PDXK: variants seen among roughly 807,000 people sequenced by gnomAD.
PDXK encodes the protein pyridoxal kinase, also known as epididymis secretory sperm binding protein Li 1a.
A neutral mutation model predicts 43.2 loss-of-function variants in PDXK; 15 were observed. The observed-to-expected ratio is 0.35, with a 90% CI of 0.23 to 0.53. The LOEUF is 0.53. PDXK is among the 20% of genes least tolerant of loss of function. The probability of loss-of-function intolerance (pLI) is 0.92; values close to 1 mark genes in which losing one functional copy is unlikely to be tolerated. For synonymous variants in PDXK, 172 were observed against 165.4 expected (o/e 1.04, Z -0.31); for missense variants, 343 against 417.0 (o/e 0.82, Z 1.54).
At chr21:43,752,679 A>C (rs1213430524) in intron 8 of PDXK, 50 bp downstream of exon 8, 3 of 1,148,898 alleles carry the variant, frequency 2.6e-6, no homozygotes, top group African/African-American at 1.5e-5. Flanking sequence ...TCCCAGAGGA[A>C]GGTGTTCTTT....
chr21:43,727,029 G>A (rs2083261382), intron 1 of PDXK, among the ~76,000 whole-genome samples: 2 of 152,184 alleles, frequency 1.3e-5, no homozygotes, highest in South Asian at 4.1e-4. Context: ...AGGCCCCAGT[G>A]TTGGCCGGCC....
rs557034213 is a variant in PDXK, at chr21:43,740,052, T to TAACATCAG, written c.143-1615_143-1614insAACATCAG. Among the ~76,000 whole-genome samples, 570 of 152,068 alleles carry TAACATCAG rather than the reference T, an allele frequency of 3.7e-3. 9 individuals are homozygous for TAACATCAG. Among genetic ancestry groups the TAACATCAG allele is most frequent in the African/African-American group, 0.013 (523 of 41,560 alleles). On this transcript the variant is annotated intron_variant, in intron 2 of 10. Coordinates refer to ENST00000291565, the MANE Select transcript of PDXK (RefSeq NM_003681.5). ...GTTAACCCAGAGTCCATCAGGGGCT[T>TAACATCAG]GGTCTCTGGCAGACCCACCCCTCAG...
intron 1 of PDXK, among the ~76,000 whole-genome samples, chr21:43,729,215 G>A (rs568478848): frequency 2.6e-5 from 4 of 152,384 alleles, no homozygotes; most frequent in African/African-American, 9.6e-5. Context: ...CTTCCCAGCG[G>A]AGACAGCCAG....
chr21:43,719,131 C>A lies in PDXK; in HGVS notation c.-164C>A. Reference sequence around the variant, plus strand: ...CGGGTTCGGAGCCGCCCGCTGAGGTCAGAAGGAGGCGTCTGCGCTGATCGG... The same window carrying A: ...CGGGTTCGGAGCCGCCCGCTGAGGTAAGAAGGAGGCGTCTGCGCTGATCGG... On this transcript the variant is annotated 5_prime_UTR_variant, in exon 1 of 11. Coordinates refer to ENST00000291565, the MANE Select transcript of PDXK (RefSeq NM_003681.5). The A allele has an allele frequency of 3.3e-6, 1 of 302,862 alleles. No homozygotes were observed. Among genetic ancestry groups the A allele is most frequent in the South Asian group, 1.4e-4 (1 of 7,040 alleles). 18.8% of individuals were successfully genotyped at this position (302,862 alleles called of 1,614,324 possible). A position where few individuals can be genotyped will look rare whatever the true frequency, so the allele number is the denominator to read the frequency against.
At chr21:43,730,708 C>T (rs1290301532) in intron 1 of PDXK, among the ~76,000 whole-genome samples, 1 of 152,086 alleles carries the variant, frequency 6.6e-6, no homozygotes, top group Admixed American at 6.5e-5. Context: ...AGTCCCAGCA[C>T]TTTGGGAGGC....
intron 1 of PDXK, among the ~76,000 whole-genome samples, chr21:43,726,353 GCCT>G (rs1307518544): frequency 1.4e-5 from 2 of 142,940 alleles, no homozygotes; most frequent in Non-Finnish European, 3.0e-5. Flanking sequence ...GCTCACTGCA[GCCT>G]CCTCCTCCTC....
rs1467593029 is a variant in PDXK, at chr21:43,758,330, G to T, written c.*2267G>T. 2 of 153,606 alleles carry T rather than the reference G, an allele frequency of 1.3e-5. No homozygotes were observed. The highest frequency in any genetic ancestry group is 1.5e-5 in the Non-Finnish European group (1 of 68,058). 9.5% of individuals were successfully genotyped at this position (153,606 alleles called of 1,614,324 possible). A position where few individuals can be genotyped will look rare whatever the true frequency, so the allele number is the denominator to read the frequency against. ...TGAAACTTCTCTTCTGTTTTCTTTG[G>T]CTGTATCAGCCGAACCAGGAGAGGC... is the stretch of plus-strand genomic sequence containing the variant. On this transcript the variant is annotated 3_prime_UTR_variant, in exon 11 of 11. Transcript: ENST00000291565.
At chr21:43,753,502 C>T (rs1418000902) in intron 8 of PDXK, 81 bp from the exon 9 acceptor site, 74 of 1,470,124 alleles carry the variant, frequency 5.0e-5, no homozygotes, top group Non-Finnish European at 6.8e-5. Flanking sequence ...TGCCGCCGTG[C>T]CCAGGAGGAT....
At chr21:43,739,906 C>A (rs1211542057) in intron 2 of PDXK, among the ~76,000 whole-genome samples, 1 of 151,814 alleles carries the variant, frequency 6.6e-6, no homozygotes, top group African/African-American at 2.4e-5. Flanking sequence ...TACCCCAAAC[C>A]CCGCCCCAGC....
At chr21:43,730,464 G>A (rs947913634) in intron 1 of PDXK, among the ~76,000 whole-genome samples, 1 of 152,074 alleles carries the variant, frequency 6.6e-6, no homozygotes, top group Non-Finnish European at 1.5e-5. Context: ...CAAGCTCCGT[G>A]GTGTGAATAC....
At chr21:43,736,025 G>A (rs1248957994) in intron 2 of PDXK, among the ~76,000 whole-genome samples, 3 of 152,332 alleles carry the variant, frequency 2.0e-5, no homozygotes, top group African/African-American at 4.8e-5. Context: ...CTGGGCTCCC[G>A]TGCCACCCAC....
intron 2 of PDXK, chr21:43,738,586 CTG>C (rs1256922330): frequency 6.6e-6 from 1 of 152,340 alleles, no homozygotes; most frequent in African/African-American, 2.4e-5. Flanking sequence ...AGGGCGAGAC[CTG>C]CTGTCTTATC....
chr21:43,750,962 A>G (rs2876911), intron 7 of PDXK, among the ~76,000 whole-genome samples: 84 of 150,738 alleles, frequency 5.6e-4, no homozygotes, highest in African/African-American at 9.8e-4. Flanking sequence ...ATGTGTGTGC[A>G]TGTGTGTGTG....
At chr21:43,742,083 G>A (rs1211723712) in intron 3 of PDXK, among the ~76,000 whole-genome samples, 3 of 152,126 alleles carry the variant, frequency 2.0e-5, no homozygotes, top group Non-Finnish European at 4.4e-5. Flanking sequence ...AGGACAGGTG[G>A]GTGGGACACT....
intron 2 of PDXK, among the ~76,000 whole-genome samples, chr21:43,740,296 T>C (rs1034860556): frequency 2.6e-5 from 4 of 152,142 alleles, no homozygotes; most frequent in Admixed American, 6.5e-5. Flanking sequence ...GCAGGAGCCA[T>C]GGAGCCCTCC....
chr21:43,728,823 G>A lies in PDXK; in HGVS notation c.88-5246G>A, dbSNP rs905228897. On this transcript the variant is annotated intron_variant, in intron 1 of 10. Transcript: ENST00000291565. Reference sequence around the variant, plus strand: ...GTCGGAGAGCTCCTGCGGTCCAGCCGGATGACTGATGAGGTTGAAAGCACT... The same window carrying A: ...GTCGGAGAGCTCCTGCGGTCCAGCCAGATGACTGATGAGGTTGAAAGCACT... 2.9e-5 allele frequency: 29 copies of A among 985,506 alleles called. No homozygotes were observed. The South Asian group carries it at 1.2e-3, about 41-fold the overall frequency. 61.0% of individuals were successfully genotyped at this position (985,506 alleles called of 1,614,324 possible).
intron 7 of PDXK, among the ~76,000 whole-genome samples, chr21:43,750,962 ATGTG>A (rs3042278): frequency 0.083 from 12,486 of 150,694 alleles, 1,177 homozygotes; most frequent in African/African-American, 0.24. Context: ...ATGTGTGTGC[ATGTG>A]TGTGTGTGTG....
intron 5 of PDXK, among the ~76,000 whole-genome samples, chr21:43,746,747 A>G (rs2083645203): frequency 6.6e-6 from 1 of 152,194 alleles, no homozygotes. Context: ...ATAAAATTTC[A>G]TTTGTGGACA....
At chr21:43,752,478 T>C in intron 7 of PDXK, 40 bp from the exon 8 acceptor site, 1 of 1,384,786 alleles carries the variant, frequency 7.2e-7, no homozygotes, top group Non-Finnish European at 1.0e-6. Context: ...GTGGCTGACA[T>C]GTGACCGGCC....
Sources: allele counts gnomAD v4.1 joint callset (sites outside exome capture counted in the v4.1 genomes callset), GRCh38; gene constraint gnomAD v4.1.1; transcripts MANE v1.5; gene names NCBI Gene and HGNC (gene_info 2026-07-23, HGNC 2026-07-21).